Variants in HSPA4 observed in about 807,000 individuals in gnomAD.
HSPA4 encodes the protein heat shock protein family A (Hsp70) member 4.
A neutral mutation model predicts 106.2 loss-of-function variants in HSPA4; 25 were observed. The observed-to-expected ratio is 0.24, with a 90% CI of 0.17 to 0.33. HSPA4 has a LOEUF of 0.33. Among genes scored for constraint, HSPA4 ranks in the 10% least tolerant of loss-of-function variants. The probability of loss-of-function intolerance (pLI) is 1.00; values close to 1 mark genes in which losing one functional copy is unlikely to be tolerated. For missense variants in HSPA4, 841 were observed against 996.0 expected (o/e 0.84, Z 2.10); for synonymous variants, 332 against 333.6 (o/e 1.00, Z 0.05).
chr5:133,052,786 A>G (rs1765098448), intron 1 of HSPA4: 1 of 155,526 alleles, frequency 6.4e-6, no homozygotes, highest in African/African-American at 2.4e-5. Flanking sequence ...AGTTGAATCG[A>G]ACGGGTTCTG....
chr5:133,056,843 T>C (rs1258996805), intron 1 of HSPA4, among the ~76,000 whole-genome samples: 2 of 152,230 alleles, frequency 1.3e-5, no homozygotes, highest in Non-Finnish European at 2.9e-5. Context: ...CTCTACTTCA[T>C]TGGAGATTAT....
intron 1 of HSPA4, among the ~76,000 whole-genome samples, chr5:133,062,476 AG>A (rs1765256429): frequency 6.6e-6 from 1 of 152,100 alleles, no homozygotes; most frequent in African/African-American, 2.4e-5. Context: ...AGCCTTTTTG[AG>A]GTGGAGGAAG....
At chr5:133,073,646 A>G (rs921965285) in intron 5 of HSPA4, among the ~76,000 whole-genome samples, 3 of 152,216 alleles carry the variant, frequency 2.0e-5, no homozygotes, top group East Asian at 1.9e-4. Flanking sequence ...AGTCAGAGGA[A>G]TGGGACATTA....
At chr5:133,098,412 C>T (rs187401371) in intron 15 of HSPA4, among the ~76,000 whole-genome samples, 2 of 151,890 alleles carry the variant, frequency 1.3e-5, no homozygotes, top group East Asian at 1.9e-4. Flanking sequence ...CTCAGGTTCA[C>T]GCCATTCTCC....
rs1765830963 is a variant in HSPA4 at position 133,104,502 on chromosome 5, T to G, written c.*66T>G. 4.9e-6 allele frequency: 7 copies of G among 1,420,866 alleles called. No homozygotes were observed. The highest frequency in any genetic ancestry group is 6.9e-6 in the Non-Finnish European group (7 of 1,017,940). 88.0% of individuals were successfully genotyped at this position (1,420,866 alleles called of 1,614,324 possible). ...TTTAAGTTGTCAACTTTGTTCTAAATATCAACTAGCGCAAGTGAATACTGA... is the reference window on the plus strand; with the variant it reads ...TTTAAGTTGTCAACTTTGTTCTAAAGATCAACTAGCGCAAGTGAATACTGA... On this transcript the variant is annotated 3_prime_UTR_variant, in exon 19 of 19. Transcript: ENST00000304858.
intron 1 of HSPA4, among the ~76,000 whole-genome samples, chr5:133,053,480 C>T (rs572280274): frequency 6.6e-6 from 1 of 151,686 alleles, no homozygotes; most frequent in South Asian, 2.1e-4. Context: ...TCCTGAGTAG[C>T]TGGCGTTGCA....
chr5:133,083,720 A>G (rs1392523793), intron 7 of HSPA4, among the ~76,000 whole-genome samples: 1 of 151,918 alleles, frequency 6.6e-6, no homozygotes, highest in Non-Finnish European at 1.5e-5. Context: ...TATTTTTTGT[A>G]GAGATGTTGT....
intron 4 of HSPA4, among the ~76,000 whole-genome samples, chr5:133,072,593 G>C (rs1392893702): frequency 2.0e-5 from 3 of 147,774 alleles, no homozygotes; most frequent in African/African-American, 7.5e-5. Context: ...TTTTTGTAGA[G>C]ATGGGGTTTC....
At position 133,092,731 on chromosome 5, in the gene HSPA4, T is replaced by C; in HGVS notation, c.1592T>C (p.Val531Ala). The C allele has an allele frequency of 6.2e-7, 1 of 1,613,266 alleles. No individual in the cohort carries two copies. Among genetic ancestry groups the C allele is most frequent in the Non-Finnish European group, 8.5e-7 (1 of 1,179,666 alleles). The change falls in exon 13 of 19, where the codon GTT (valine) becomes GCT (alanine). Residue 531 changes from valine (V) to alanine (A), a missense_variant. Physicochemically the swap from Val to Ala is moderately conservative, Grantham distance 64. This residue lies in a region of HSPA4 where 328 missense variants were observed against 372.2 expected (regional missense o/e 0.88). Coordinates refer to ENST00000304858, the MANE Select transcript of HSPA4 (RefSeq NM_002154.4). ...KMQVDQEEPH[V>A]EEQQQQTPAE... ...CAAGTGGACCAGGAGGAACCACATGTTGAAGAGCAACAGCAGCAGACACCA... is the reference window on the plus strand; with the variant it reads ...CAAGTGGACCAGGAGGAACCACATGCTGAAGAGCAACAGCAGCAGACACCA...
At chr5:133,081,248 A>G (rs1347641187) in intron 7 of HSPA4, among the ~76,000 whole-genome samples, 4 of 152,124 alleles carry the variant, frequency 2.6e-5, no homozygotes, top group Non-Finnish European at 5.9e-5. Flanking sequence ...GGGTTTCGCC[A>G]TGTTGGCCAT....
rs1765760560 is a variant in HSPA4 at position 133,099,622 on chromosome 5, A to G, written c.2007A>G (p.Gln669=). The change falls in exon 16 of 19, where the codon CAA becomes CAG. Residue 669 remains glutamine, a synonymous_variant. Transcript: ENST00000304858. ...AGGATGGAGAAGACCAGCCAAAGCAAGTTTATGTTGATAAGTTGGCTGAAT... is the reference window on the plus strand; with the variant it reads ...AGGATGGAGAAGACCAGCCAAAGCAGGTTTATGTTGATAAGTTGGCTGAAT... ...LYEDGEDQPK[Q]VYVDKLAELK... The G allele has an allele frequency of 3.7e-6, 6 of 1,600,392 alleles. No individual in the cohort carries two copies. In the East Asian group the frequency reaches 1.1e-4, roughly 30 times the overall value.
At chr5:133,066,598 G>T (rs1456592950) in intron 2 of HSPA4, among the ~76,000 whole-genome samples, 1 of 151,786 alleles carries the variant, frequency 6.6e-6, no homozygotes, top group Non-Finnish European at 1.5e-5. Context: ...AACCATTTAG[G>T]CTGTTTCTAG....
At chr5:133,058,495 C>A (rs981925412) in intron 1 of HSPA4, among the ~76,000 whole-genome samples, 1 of 148,452 alleles carries the variant, frequency 6.7e-6, no homozygotes, top group Non-Finnish European at 1.5e-5. Flanking sequence ...CTGGCCAACC[C>A]GGTGAAACCT....
At chr5:133,078,715 C>T (rs1765477090) in intron 7 of HSPA4, among the ~76,000 whole-genome samples, 1 of 150,812 alleles carries the variant, frequency 6.6e-6, no homozygotes, top group Non-Finnish European at 1.5e-5. Flanking sequence ...ATATTATAGC[C>T]TTCATTTAGT....
Position 133,105,575 on chromosome 5 carries a change from C to A in HSPA4, c.*1139C>A, listed in dbSNP as rs1765846361. On this transcript the variant is annotated 3_prime_UTR_variant, in exon 19 of 19. Transcript: ENST00000304858. The stretch of plus-strand genomic sequence containing the variant: ...GCATTCCTCTGACTGCTTTTTGGGG[C>A]AGTGTTGACAGGAGTGAGGCATTTT... The A allele has an allele frequency of 6.6e-6, 1 of 152,052 alleles. No individual in the cohort carries two copies. The highest frequency in any genetic ancestry group is 2.4e-5 in the African/African-American group (1 of 41,382). 9.4% of individuals were successfully genotyped at this position (152,052 alleles called of 1,614,324 possible).
intron 1 of HSPA4, chr5:133,052,665 T>G (rs977453885): frequency 6.0e-6 from 2 of 334,406 alleles, no homozygotes; most frequent in Non-Finnish European, 1.1e-5. Context: ...GCCTAGGATG[T>G]AAACGGATCG....
intron 11 of HSPA4, among the ~76,000 whole-genome samples, chr5:133,090,219 G>A (rs113466548): frequency 0.023 from 3,433 of 152,048 alleles, 127 homozygotes; most frequent in African/African-American, 0.075. Context: ...CAGGTCAGGA[G>A]ATCGAGACCA....
chr5:133,101,269 A>C (rs759126262), intron 16 of HSPA4, among the ~76,000 whole-genome samples: 1 of 151,890 alleles, frequency 6.6e-6, no homozygotes, highest in Non-Finnish European at 1.5e-5. Flanking sequence ...ATGTCGCCCC[A>C]CCCTTTCCTT....
At chr5:133,082,632 A>G (rs1276646416) in intron 7 of HSPA4, among the ~76,000 whole-genome samples, 1 of 151,662 alleles carries the variant, frequency 6.6e-6, no homozygotes, top group African/African-American at 2.4e-5. Context: ...TATCTGGCCA[A>G]TTTTTGTATT....
Sources: gnomAD v4.1 joint callset for allele counts (sites outside exome capture counted in the v4.1 genomes callset) on GRCh38, gnomAD v4.1.1 for gene constraint, gnomAD v4.1.1 regional missense constraint, MANE v1.5 for transcripts, NCBI Gene and HGNC (gene_info 2026-07-23, HGNC 2026-07-21) for gene names.